The following ADARB2 variants were observed in gnomAD, a reference collection of about 807,000 sequenced individuals.
ADARB2 encodes the protein adenosine deaminase RNA specific B2 (inactive).
ADARB2 carries 25 observed loss-of-function variants against 62.2 expected under a neutral mutation model. The ratio of observed to expected loss-of-function variants is 0.40; its 90% CI spans 0.29 to 0.56. The LOEUF is 0.56. ADARB2 is among the 20% of genes least tolerant of loss of function. The pLI is 0.43. For missense variants in ADARB2, 1,071 were observed against 1,077.4 expected (o/e 0.99, Z 0.08); for synonymous variants, 572 against 500.8 (o/e 1.14, Z -1.90).
At chr10:1,209,551 CA>C (rs1330254254) in intron 7 of ADARB2, among the ~76,000 whole-genome samples, 569 of 36,440 alleles carry the variant, frequency 0.016, 4 homozygotes, top group African/African-American at 0.035. Flanking sequence ...ACACCCATGC[CA>C]TCACCCACAC....
intron 1 of ADARB2, among the ~76,000 whole-genome samples, chr10:1,551,786 C>G (rs547137714): frequency 1.1e-4 from 17 of 152,148 alleles, no homozygotes; most frequent in African/African-American, 4.1e-4. Context: ...AAGGTCCTGC[C>G]GGGCTTCCGG....
chr10:1,461,514 A>T (rs1448746879), intron 1 of ADARB2, among the ~76,000 whole-genome samples: 1 of 110,726 alleles, frequency 9.0e-6, no homozygotes, highest in East Asian at 2.1e-4. Flanking sequence ...GTGCATATAT[A>T]TTTTTTTTTT....
At chr10:1,338,931 C>T (rs1233813171) in intron 3 of ADARB2, among the ~76,000 whole-genome samples, 1 of 152,200 alleles carries the variant, frequency 6.6e-6, no homozygotes, top group Non-Finnish European at 1.5e-5. Context: ...ACCTTGAGGG[C>T]TGATCTTCCC....
intron 1 of ADARB2, among the ~76,000 whole-genome samples, chr10:1,608,275 T>G (rs1833518885): frequency 6.6e-6 from 1 of 152,212 alleles, no homozygotes; most frequent in Admixed American, 6.5e-5. Flanking sequence ...CCTGGATTTA[T>G]GCTCACCGGG....
chr10:1,437,939 G>A (rs1203372299), intron 1 of ADARB2, among the ~76,000 whole-genome samples: 1 of 152,150 alleles, frequency 6.6e-6, no homozygotes, highest in Non-Finnish European at 1.5e-5. Flanking sequence ...TCCCCACCTG[G>A]GGTCTCACTT....
chr10:1,607,681 C>T (rs1833512076), intron 1 of ADARB2, among the ~76,000 whole-genome samples: 1 of 152,204 alleles, frequency 6.6e-6, no homozygotes. Flanking sequence ...AGGGACCCTG[C>T]CCGCAGCGAC....
At chr10:1,243,676 G>A (rs1197691775) in intron 4 of ADARB2, among the ~76,000 whole-genome samples, 3 of 152,222 alleles carry the variant, frequency 2.0e-5, no homozygotes, top group African/African-American at 7.2e-5. Flanking sequence ...CCGAGCACTG[G>A]GGAAGTAACC....
chr10:1,433,378 A>T (rs1157292322), intron 1 of ADARB2, among the ~76,000 whole-genome samples: 1 of 152,184 alleles, frequency 6.6e-6, no homozygotes, highest in Non-Finnish European at 1.5e-5. Context: ...GACTGATTTT[A>T]AAGTGATCTC....
At chr10:1,474,134 C>T (rs2820639) in intron 1 of ADARB2, among the ~76,000 whole-genome samples, 148,163 of 152,252 alleles carry the variant, frequency 0.97, 72,203 homozygotes, top group East Asian at 1. Flanking sequence ...ATGTCTCAGG[C>T]TTGATTCCTG....
At chr10:1,735,805 G>T (rs1000018243) in intron 1 of ADARB2, among the ~76,000 whole-genome samples, 1 of 152,214 alleles carries the variant, frequency 6.6e-6, no homozygotes, top group Non-Finnish European at 1.5e-5. Flanking sequence ...CTGACGTTCG[G>T]TCATAATGAA....
intron 1 of ADARB2, among the ~76,000 whole-genome samples, chr10:1,540,371 G>A (rs1448882844): frequency 1.4e-5 from 2 of 145,022 alleles, no homozygotes; most frequent in Non-Finnish European, 3.1e-5. Context: ...TGGTCTGGCT[G>A]CCTCAAGGAA....
intron 6 of ADARB2, among the ~76,000 whole-genome samples, chr10:1,228,583 C>G (rs1373759454): frequency 6.6e-6 from 1 of 152,206 alleles, no homozygotes; most frequent in African/African-American, 2.4e-5. Context: ...TTGTCCCTGC[C>G]TTAACTGACC....
chr10:1,183,402 C>G (rs779519061), intron 9 of ADARB2, 33 bp from the exon 10 acceptor site: 1 of 1,596,452 alleles, frequency 6.3e-7, no homozygotes, highest in African/African-American at 1.3e-5. Flanking sequence ...GCCAATCAGA[C>G]ACCAGCAGAA....
At chr10:1,654,885 A>T (rs1435656320) in intron 1 of ADARB2, among the ~76,000 whole-genome samples, 3 of 152,228 alleles carry the variant, frequency 2.0e-5, no homozygotes, top group African/African-American at 4.8e-5. Flanking sequence ...ATGCTGGGCC[A>T]TGCCAGGCAC....
intron 1 of ADARB2, among the ~76,000 whole-genome samples, chr10:1,635,243 C>A (rs1833905251): frequency 6.6e-6 from 1 of 152,158 alleles, no homozygotes; most frequent in Admixed American, 6.5e-5. Flanking sequence ...TTATTTAGAT[C>A]ATTTCTAGAG....
intron 1 of ADARB2, among the ~76,000 whole-genome samples, chr10:1,610,782 A>G (rs1460766288): frequency 4.0e-5 from 6 of 151,826 alleles, no homozygotes; most frequent in African/African-American, 1.5e-4. Context: ...GCACAGACAC[A>G]CATGTGCACA....
At chr10:1,450,438 C>T (rs894885132) in intron 1 of ADARB2, among the ~76,000 whole-genome samples, 18 of 152,200 alleles carry the variant, frequency 1.2e-4, no homozygotes, top group African/African-American at 3.9e-4. Context: ...CTCGTGGCTT[C>T]GGTGATGATT....
chr10:1,727,528 A>T (rs1027600397), intron 1 of ADARB2, among the ~76,000 whole-genome samples: 1 of 152,222 alleles, frequency 6.6e-6, no homozygotes, highest in Non-Finnish European at 1.5e-5. Flanking sequence ...GTGGGTTTTA[A>T]TTGAGTAGCT....
intron 1 of ADARB2, among the ~76,000 whole-genome samples, chr10:1,545,911 T>G (rs1832512210): frequency 6.6e-6 from 1 of 152,174 alleles, no homozygotes; most frequent in South Asian, 2.1e-4. Flanking sequence ...CCCATAGCTT[T>G]TTGAAATGAA....
Sources: allele counts gnomAD v4.1 joint callset (sites outside exome capture counted in the v4.1 genomes callset), GRCh38; gene constraint gnomAD v4.1.1; transcripts MANE v1.5; gene names NCBI Gene and HGNC (gene_info 2026-07-23, HGNC 2026-07-21).